Variants in RNF150 observed in about 807,000 individuals in gnomAD.
RNF150 encodes ring finger protein 150.
RNF150 carries 24 observed loss-of-function variants against 39.3 expected under a neutral mutation model. The observed-to-expected ratio is 0.61, with a 90% confidence interval of 0.44 to 0.86. RNF150 has a LOEUF of 0.86. Ranked by LOEUF, RNF150 falls within the 40% of genes least tolerant of loss-of-function variation. The pLI, the probability that RNF150 is intolerant of heterozygous loss-of-function variation, is 0.00. For synonymous variants in RNF150, 255 were observed against 227.3 expected (o/e 1.12, Z -1.10); for missense variants, 502 against 587.8 (o/e 0.85, Z 1.51).
At chr4:141,038,493 C>T (rs890298228) in intron 1 of RNF150, among the ~76,000 whole-genome samples, 2 of 152,030 alleles carry the variant, frequency 1.3e-5, no homozygotes, top group African/African-American at 4.8e-5. Flanking sequence ...AGATCGAGAT[C>T]AGCCTGGGGC....
At chr4:140,885,603 G>A (rs1367157587) in intron 6 of RNF150, among the ~76,000 whole-genome samples, 9 of 150,986 alleles carry the variant, frequency 6.0e-5, no homozygotes, top group African/African-American at 1.7e-4. Context: ...TGCCCGGCTA[G>A]TTTTGTATTT....
intron 5 of RNF150, among the ~76,000 whole-genome samples, chr4:140,919,026 G>T (rs1730983439): frequency 6.6e-6 from 1 of 151,774 alleles, no homozygotes; most frequent in South Asian, 2.1e-4. Context: ...GGTATTGATG[G>T]GACGTATCTC....
chr4:141,005,119 T>A (rs1734815272), intron 1 of RNF150, among the ~76,000 whole-genome samples: 1 of 152,114 alleles, frequency 6.6e-6, no homozygotes, highest in African/African-American at 2.4e-5. Flanking sequence ...CCCCATGATT[T>A]CTGATTTGCC....
chr4:140,871,657 A>G (rs2111184645), intron 6 of RNF150, among the ~76,000 whole-genome samples: 1 of 152,338 alleles, frequency 6.6e-6, no homozygotes, highest in African/African-American at 2.4e-5. Context: ...AAAATAGCAC[A>G]GATAAAGAGC....
upstream of RNF150, among the ~76,000 whole-genome samples, chr4:141,134,299 A>G (rs552487532): frequency 3.9e-5 from 6 of 152,316 alleles, no homozygotes; most frequent in Non-Finnish European, 8.8e-5. Context: ...GTAGTACAGC[A>G]GAGTGCCTTA....
In RNF150 at chr4:141,132,064, T is replaced by C. The variant is rs1351484049; in HGVS notation, c.484+261A>G. 2.6e-5 allele frequency among the ~76,000 whole-genome samples: 4 copies of C among 152,104 alleles called. No individual in the cohort carries two copies. The highest frequency in any genetic ancestry group is 4.8e-5 in the African/African-American group (2 of 41,410). ...CCTTCCAGGTCCCCCTCGGAAAAGT[T>C]AGCCCGCCACGTTGAACCCCTGTCC... On this transcript the variant is annotated intron_variant, in intron 1 of 6. Coordinates refer to ENST00000515673, the MANE Select transcript of RNF150 (RefSeq NM_020724.2). This position sits in a 1 kb window ranked among gnomAD's most constrained non-coding sequence, Gnocchi z 4.9.
chr4:140,955,492 G>C (rs1732714240), intron 2 of RNF150, among the ~76,000 whole-genome samples: 2 of 151,998 alleles, frequency 1.3e-5, no homozygotes, highest in Non-Finnish European at 2.9e-5. Context: ...AATAACATAA[G>C]GTATGTAAAG....
upstream of RNF150, among the ~76,000 whole-genome samples, chr4:141,133,806 G>T (rs922547123): frequency 6.6e-6 from 1 of 152,136 alleles, no homozygotes; most frequent in African/African-American, 2.4e-5. Context: ...AAGGTGGTTT[G>T]GTATTGAGGT....
chr4:140,969,756 CTTTTTT>C (rs70946718), intron 1 of RNF150, among the ~76,000 whole-genome samples: 17 of 75,964 alleles, frequency 2.2e-4, no homozygotes, highest in South Asian at 6.4e-4. Context: ...ACAAGTTTTA[CTTTTTT>C]TTTTTTTTTT....
chr4:140,870,378 G>A, intron 6 of RNF150, among the ~76,000 whole-genome samples: 1 of 152,006 alleles, frequency 6.6e-6, no homozygotes, highest in East Asian at 1.9e-4. Context: ...AGTGAAACTG[G>A]ATCTGTGCCT....
At chr4:141,180,964 T>C (rs1727900114) in intron 1 of RNF150, among the ~76,000 whole-genome samples, 1 of 152,162 alleles carries the variant, frequency 6.6e-6, no homozygotes, top group African/African-American at 2.4e-5. Context: ...AAGGGAATCA[T>C]TATGGTGAGT....
intron 1 of RNF150, among the ~76,000 whole-genome samples, chr4:141,116,063 G>C (rs182169108): frequency 5.6e-4 from 85 of 152,160 alleles, no homozygotes; most frequent in Non-Finnish European, 6.5e-4. Context: ...AGGCAATACT[G>C]TTCAGGACAT....
Position 141,016,477 on chromosome 4 carries a change from G to C in RNF150, c.485-48604C>G, listed in dbSNP as rs1264650207. On this transcript the variant is annotated intron_variant, in intron 1 of 6. Transcript: ENST00000515673. ...AATATGACTGCAGACCTGTTCCTGA[G>C]CTGCTGCTCTCAGCACACTGCCTAT... Among the ~76,000 whole-genome samples the C allele has an allele frequency of 3.3e-5, 5 of 152,186 alleles. 1 individual carries two copies. Among genetic ancestry groups the C allele is most frequent in the Admixed American group, 3.3e-4 (5 of 15,280 alleles).
upstream of RNF150, among the ~76,000 whole-genome samples, chr4:141,136,441 A>G (rs140906453): frequency 1.4e-3 from 214 of 152,346 alleles, no homozygotes; most frequent in Admixed American, 8.5e-3. Context: ...ATTTTTAATA[A>G]GTCAAAAGTT....
chr4:141,024,953 A>G (rs569690862), intron 1 of RNF150, among the ~76,000 whole-genome samples: 1 of 152,218 alleles, frequency 6.6e-6, no homozygotes, highest in African/African-American at 2.4e-5. Context: ...ATAACATCTC[A>G]ATGCAAAAGT....
In RNF150 at chr4:140,967,838, G is replaced by A. The variant is rs1441720672; in HGVS notation, c.520C>T (p.Pro174Ser). The change falls in exon 2 of 7, where the codon CCA (proline) becomes TCA (serine). Residue 174 changes from proline (P) to serine (S), a missense_variant. Coordinates refer to ENST00000515673, the MANE Select transcript of RNF150 (RefSeq NM_020724.2). ...EDIVAIMIPE[P>S]KGKEIVSLLE... Reference sequence around the variant, plus strand: ...AGGCTTACTATCTCCTTCCCTTTTGGCTCAGGAATCATTATGGCCACGATG... The same window carrying A: ...AGGCTTACTATCTCCTTCCCTTTTGACTCAGGAATCATTATGGCCACGATG... 2 of 1,613,278 alleles carry A rather than the reference G, an allele frequency of 1.2e-6. No homozygotes were observed. The highest frequency in any genetic ancestry group is 2.2e-5 in the East Asian group (1 of 44,838).
intron 1 of RNF150, among the ~76,000 whole-genome samples, chr4:141,044,771 G>GCGCACACACACACACACACACA (rs1553940748): frequency 2.0e-5 from 3 of 146,646 alleles, no homozygotes; most frequent in African/African-American, 7.8e-5. Flanking sequence ...GGTGTGCAGC[G>GCGCACACACACACACACACACA]CACACACACA....
intron 2 of RNF150, among the ~76,000 whole-genome samples, chr4:140,955,108 T>A (rs2111389917): frequency 6.6e-6 from 1 of 152,330 alleles, no homozygotes; most frequent in South Asian, 2.1e-4. Context: ...ACTGAAACGT[T>A]TTCTTCGTGC....
intron 1 of RNF150, among the ~76,000 whole-genome samples, chr4:141,122,488 G>A (rs560382359): frequency 5.3e-5 from 8 of 152,276 alleles, no homozygotes; most frequent in African/African-American, 1.4e-4. Context: ...TTCATCATAC[G>A]GGCTATTATA....
Sources: allele counts gnomAD v4.1 joint callset (sites outside exome capture counted in the v4.1 genomes callset), GRCh38; gene constraint gnomAD v4.1.1; non-coding constraint Gnocchi (gnomAD v3.1); transcripts MANE v1.5; gene names NCBI Gene and HGNC (gene_info 2026-07-23, HGNC 2026-07-21).